The following LAMB1 variants were observed in gnomAD, a reference collection of about 807,000 sequenced individuals.
The protein encoded by LAMB1 is laminin subunit beta-1.
LAMB1 carries 121 observed loss-of-function variants against 222.3 expected under a neutral mutation model. The ratio of observed to expected loss-of-function variants is 0.54; its 90% CI spans 0.47 to 0.63. The LOEUF is 0.63. Ranked by LOEUF, LAMB1 falls within the 30% of genes least tolerant of loss-of-function variation. The pLI is 0.00. For synonymous variants in LAMB1, 794 were observed against 807.2 expected (o/e 0.98, Z 0.28); for missense variants, 2,172 against 2,240.8 (o/e 0.97, Z 0.62).
intron 26 of LAMB1, among the ~76,000 whole-genome samples, chr7:107,936,621 G>C (rs1192928063): frequency 3.3e-5 from 5 of 152,194 alleles, no homozygotes; most frequent in Admixed American, 3.3e-4. Context: ...TAGTTGGACA[G>C]TATGATGTAA....
intron 13 of LAMB1, among the ~76,000 whole-genome samples, chr7:107,971,260 T>C (rs530776502): frequency 2.9e-4 from 44 of 152,354 alleles, no homozygotes; most frequent in African/African-American, 1.0e-3. Flanking sequence ...TATCTAGTTT[T>C]TAACATCTTA....
chr7:107,975,610 G>A (rs1470689470), intron 10 of LAMB1, 79 bp downstream of exon 10: 1 of 1,398,200 alleles, frequency 7.2e-7, no homozygotes, highest in Non-Finnish European at 9.8e-7. Flanking sequence ...CATACTATGA[G>A]CTCTGAGACT....
At position 107,951,229 on chromosome 7, in the gene LAMB1, G is replaced by C; in HGVS notation, c.3388C>G (p.Arg1130Gly). 7 of 1,613,536 alleles carry C rather than the reference G, an allele frequency of 4.3e-6. No homozygotes were observed. Among genetic ancestry groups the C allele is most frequent in the Non-Finnish European group, 5.9e-6 (7 of 1,179,518 alleles). ...LFWGDPDVEC[R>G]ACDCDPRGIE... ...TGCGAGAACGCCCACAACTCACCTC[G>C]GCACTCCACGTCGGGGTCTCCCCAG... is the stretch of plus-strand genomic sequence containing the variant. The change falls in exon 24 of 34, where the codon CGA (arginine) becomes GGA (glycine). Residue 1130 changes from arginine to glycine, a missense_variant. Transcript: ENST00000222399.
At chr7:107,925,717 T>G (rs1173242078) in intron 32 of LAMB1, among the ~76,000 whole-genome samples, 1 of 152,150 alleles carries the variant, frequency 6.6e-6, no homozygotes, top group African/African-American at 2.4e-5. Flanking sequence ...TGAGGGGTAG[T>G]TAATTCAAAA....
chr7:107,951,256 A>C lies in LAMB1; in HGVS notation c.3361T>G (p.Phe1121Val), dbSNP rs907596130. Residue 1121 changes from phenylalanine to valine, a missense_variant, in exon 24 of 34, where the codon TTC (phenylalanine) becomes GTC (valine). Physicochemically the swap from Phe to Val is conservative, Grantham distance 50. Coordinates refer to ENST00000222399, the MANE Select transcript of LAMB1 (RefSeq NM_002291.3). ...CACTCCACGTCGGGGTCTCCCCAGA[A>C]GAGTTCCTGGCACTCGCTGCAGGTG... ...GRTCSECQELFWGDPDVECRA... is the reference protein window; with the variant it reads ...GRTCSECQELVWGDPDVECRA... 1 of 1,614,190 alleles carries C rather than the reference A, an allele frequency of 6.2e-7. No individual in the cohort carries two copies. Among genetic ancestry groups the C allele is most frequent in the Admixed American group, 1.7e-5 (1 of 60,032 alleles).
Position 107,955,526 on chromosome 7 carries a change from C to T in LAMB1, c.2795G>A (p.Ser932Asn). ...GPDSGRQFAR[S>N]CYQDPVTLQL... ...TAAAGTAACAGGATCTTGGTAGCAG[C>T]TCCTGGCAAACTGGCGTCCACTGTC... is the stretch of plus-strand genomic sequence containing the variant. The change falls in exon 21 of 34, where the codon AGC (serine) becomes AAC (asparagine). Residue 932 changes from serine (S) to asparagine (N), a missense_variant. Transcript: ENST00000222399. The T allele has an allele frequency of 6.2e-7, 1 of 1,614,092 alleles. No individual in the cohort carries two copies. The highest frequency in any genetic ancestry group is 8.5e-7 in the Non-Finnish European group (1 of 1,180,000).
chr7:107,970,505 A>AGGG (rs34610492), intron 13 of LAMB1, among the ~76,000 whole-genome samples: 39 of 108,796 alleles, frequency 3.6e-4, no homozygotes, highest in South Asian at 1.0e-3. Context: ...AAAAAAAAAA[A>AGGG]GGGGGGGGTG....
chr7:107,940,069 G>A lies in LAMB1; in HGVS notation c.3681C>T (p.Val1227=). 1 of 1,614,056 alleles carries A rather than the reference G, an allele frequency of 6.2e-7. No individual in the cohort carries two copies. Among genetic ancestry groups the A allele is most frequent in the Non-Finnish European group, 8.5e-7 (1 of 1,180,026 alleles). Residue 1227 remains valine, a synonymous_variant, in exon 25 of 34, where the codon GTC becomes GTT. Coordinates refer to ENST00000222399, the MANE Select transcript of LAMB1 (RefSeq NM_002291.3). ...RETVDSVERK[V]SEIKDILAQS... is the part of the protein sequence containing the mutation. ...GCGCCAGGATGTCTTTTATCTCGCT[G>A]ACTTTCCTCTCCACCGAGTCCACAG...
rs2033501914 is a variant in LAMB1 at position 107,961,574 on chromosome 7, C to T, written c.1960G>A (p.Val654Met). ...GNTIPDDDNQ[V>M]VSLSPGSRYV... is the part of the protein sequence containing the mutation. ...CTTGAGCCTGGTGATAATGACACCA[C>T]CTGGTTGTCATCATCGGGGATGGTA... is the stretch of plus-strand genomic sequence containing the variant. Residue 654 changes from valine to methionine, a missense_variant, in exon 16 of 34, where the codon GTG (valine) becomes ATG (methionine). Coordinates refer to ENST00000222399, the MANE Select transcript of LAMB1 (RefSeq NM_002291.3). The T allele has an allele frequency of 1.2e-6, 2 of 1,614,018 alleles. No individual in the cohort carries two copies. The highest frequency in any genetic ancestry group is 2.2e-5 in the East Asian group (1 of 44,880).
chr7:107,974,882 T>A, intron 12 of LAMB1, 104 bp downstream of exon 12: 1 of 705,928 alleles, frequency 1.4e-6, no homozygotes, highest in Middle Eastern at 3.9e-4. Context: ...TTTTAACACG[T>A]ACACGTGAGG....
At chr7:107,954,652 A>G (rs528775719) in intron 21 of LAMB1, among the ~76,000 whole-genome samples, 8 of 152,234 alleles carry the variant, frequency 5.3e-5, no homozygotes, top group Admixed American at 4.6e-4. Context: ...GTGGTGGGGC[A>G]TGGTGGCAGG....
At chr7:107,930,424 T>G (rs2032677313) in intron 29 of LAMB1, among the ~76,000 whole-genome samples, 2 of 152,238 alleles carry the variant, frequency 1.3e-5, no homozygotes, top group Admixed American at 1.3e-4. Context: ...CAAATACTGT[T>G]GACTCCTTAT....
rs1562997284 is a variant in LAMB1, at chr7:107,972,643, G to A, written c.1562+349C>T. ...AGATTCTCTACACAAATCAAAACAGGAGTCCATTTTCCATGTGCTTAGATT... is the reference window on the plus strand; with the variant it reads ...AGATTCTCTACACAAATCAAAACAGAAGTCCATTTTCCATGTGCTTAGATT... On this transcript the variant is annotated intron_variant, in intron 13 of 33. Transcript: ENST00000222399. Among the ~76,000 whole-genome samples the A allele has an allele frequency of 2.6e-5, 4 of 152,024 alleles. No homozygotes were observed. The South Asian group carries it at 8.3e-4, about 32-fold the overall frequency.
chr7:107,934,659 C>T (rs148472243), intron 27 of LAMB1, among the ~76,000 whole-genome samples: 1,573 of 152,158 alleles, frequency 0.01, 14 homozygotes, highest in Non-Finnish European at 0.016. Flanking sequence ...ATAGCTAATA[C>T]CCGTGAAAAA....
rs2033356353 is a variant in LAMB1 at position 107,955,523 on chromosome 7, C to A, written c.2798G>T (p.Cys933Phe). 1.9e-6 allele frequency: 3 copies of A among 1,614,000 alleles called. No homozygotes were observed. Among genetic ancestry groups the A allele is most frequent in the Admixed American group, 1.7e-5 (1 of 59,990 alleles). ...PDSGRQFARSCYQDPVTLQLA... is the reference protein window; with the variant it reads ...PDSGRQFARSFYQDPVTLQLA... ...CTGTAAAGTAACAGGATCTTGGTAG[C>A]AGCTCCTGGCAAACTGGCGTCCACT... Residue 933 changes from cysteine to phenylalanine, a missense_variant, in exon 21 of 34, where the codon TGC (cysteine) becomes TTC (phenylalanine). Coordinates refer to ENST00000222399, the MANE Select transcript of LAMB1 (RefSeq NM_002291.3).
chr7:107,958,939 C>T (rs1357297983), intron 20 of LAMB1, among the ~76,000 whole-genome samples: 1 of 152,200 alleles, frequency 6.6e-6, no homozygotes, highest in Non-Finnish European at 1.5e-5. Flanking sequence ...TTATCCTCCG[C>T]CAGAATCTGC....
intron 25 of LAMB1, among the ~76,000 whole-genome samples, chr7:107,938,324 A>G (rs527754384): frequency 2.0e-5 from 3 of 152,322 alleles, no homozygotes; most frequent in Admixed American, 6.5e-5. Flanking sequence ...TGAGGCTAAT[A>G]TACATAGTTT....
At chr7:107,993,210 T>C (rs1245678856) in intron 5 of LAMB1, among the ~76,000 whole-genome samples, 1 of 152,220 alleles carries the variant, frequency 6.6e-6, no homozygotes, top group African/African-American at 2.4e-5. Flanking sequence ...CTCGGCTCAC[T>C]GCAACCTTCG....
In LAMB1 at chr7:107,959,459, C is replaced by T. The variant is rs1186877199; in HGVS notation, c.2480G>A (p.Gly827Glu). ...GCKPCECHLQGSVNAFCNPVT... is the reference protein window; with the variant it reads ...GCKPCECHLQESVNAFCNPVT... ...GGGATTGCAGAAGGCATTGACAGAT[C>T]CTTGCAGATGGCACTCACAAGCTAA... Residue 827 changes from glycine (G) to glutamate (E), a missense_variant, in exon 20 of 34, where the codon GGA (glycine) becomes GAA (glutamate). Physicochemically the swap from Gly to Glu is moderately conservative, Grantham distance 98. Transcript: ENST00000222399. The T allele has an allele frequency of 1.2e-6, 2 of 1,614,026 alleles. No homozygotes were observed. The highest frequency in any genetic ancestry group is 2.7e-5 in the African/African-American group (2 of 74,906).
Sources: gnomAD v4.1 joint callset for allele counts (sites outside exome capture counted in the v4.1 genomes callset) on GRCh38, gnomAD v4.1.1 for gene constraint, MANE v1.5 for transcripts, NCBI Gene and HGNC (gene_info 2026-07-23, HGNC 2026-07-21) for gene names.